The following TENT5D variants were observed in gnomAD, a reference collection of about 807,000 sequenced individuals.
TENT5D encodes the protein terminal nucleotidyltransferase 5D.
For synonymous variants in TENT5D, 103 were observed against 100.6 expected, an observed-to-expected ratio of 1.02 and a Z score of -0.15; for missense variants, 191 against 287.0, an observed-to-expected ratio of 0.67 and a Z score of 2.42.
chrX:80,422,949 T>C (rs753562521), intron 1 of TENT5D, among the ~76,000 whole-genome samples: 1 of 111,898 alleles, frequency 8.9e-6, no homozygotes, highest in African/African-American at 3.2e-5. Flanking sequence ...TTGTACAGCA[T>C]CCAGTGCAGA....
intron 1 of TENT5D, among the ~76,000 whole-genome samples, chrX:80,429,659 TG>T (rs1329232220): frequency 9.0e-6 from 1 of 111,139 alleles, no homozygotes; most frequent in Non-Finnish European, 1.9e-5. Flanking sequence ...GTTCTTTTCT[TG>T]TGCTTCCCCT....
At chrX:80,374,971 G>A (rs1342817315) in intron 3 of TENT5D, among the ~76,000 whole-genome samples, 2 of 111,030 alleles carry the variant, frequency 1.8e-5, no homozygotes, top group Non-Finnish European at 3.8e-5. Flanking sequence ...TTGGATTTTG[G>A]ATGATCAACC....
rs201702381 is a variant in TENT5D, at chrX:80,442,817, G to A, written c.278G>A (p.Gly93Asp). The change falls in exon 3 of 3, where the codon GGT becomes GAT. Residue 93 changes from glycine (G) to aspartate (D), a missense_variant. Transcript: ENST00000308293. Reference sequence around the variant, plus strand: ...GTTATTTTTGGTGTTGAGCTTCCAGGTAACGAAGAATTTCAGGTTGTTAAA... The same window carrying A: ...GTTATTTTTGGTGTTGAGCTTCCAGATAACGAAGAATTTCAGGTTGTTAAA... 2.7e-4 allele frequency: 321 copies of A among 1,209,499 alleles called. No homozygotes were observed. Among genetic ancestry groups the A allele is most frequent in the Non-Finnish European group, 3.3e-4 (293 of 894,877 alleles).
In TENT5D at chrX:80,375,466, A is replaced by G. The variant is rs147262400; in HGVS notation, c.-142+32902A>G. Among the ~76,000 whole-genome samples, 212 of 111,504 alleles carry G rather than the reference A, an allele frequency of 1.9e-3. 1 individual carries two copies. The highest frequency in any genetic ancestry group is 9.3e-3 in the Middle Eastern group (2 of 215). On this transcript the variant is annotated intron_variant, in intron 3 of 4. Transcript: ENST00000538312. ...GTGCTCAATAAGCATGTGGTTTGCA[A>G]TATTGAAGACATGATAACTTTATAA...
chrX:80,428,337 A>G (rs1602221556), intron 1 of TENT5D, among the ~76,000 whole-genome samples: 1 of 112,085 alleles, frequency 8.9e-6, no homozygotes. Context: ...GTTATTCCCC[A>G]TGGTTAACCT....
At chrX:80,427,739 G>A (rs749081795) in intron 1 of TENT5D, among the ~76,000 whole-genome samples, 26 of 111,964 alleles carry the variant, frequency 2.3e-4, no homozygotes, top group Non-Finnish European at 3.9e-4. Context: ...CCTGGAAGGC[G>A]AAAATAGATT....
At chrX:80,402,036 T>C (rs1377438623) in intron 3 of TENT5D, among the ~76,000 whole-genome samples, 1 of 111,881 alleles carries the variant, frequency 8.9e-6, no homozygotes, top group Admixed American at 9.5e-5. Flanking sequence ...TGGGCTTTTC[T>C]TTGATGGGAG....
At chrX:80,416,372 T>C (rs898521724), upstream of TENT5D, among the ~76,000 whole-genome samples, 2 of 107,954 alleles carry the variant, frequency 1.9e-5, no homozygotes, top group South Asian at 3.9e-4. Context: ...TTTTCCTCTT[T>C]ACGTTATGTT....
chrX:80,355,915 GGT>G (rs1305749727), intron 3 of TENT5D, among the ~76,000 whole-genome samples: 11 of 111,210 alleles, frequency 9.9e-5, no homozygotes, highest in African/African-American at 3.6e-4. Flanking sequence ...CAACTTCTAG[GGT>G]GTCCCGGTAT....
Position 80,443,480 on chromosome X carries a change from T to C in TENT5D, c.941T>C (p.Met314Thr), listed in dbSNP as rs770805267. Reference sequence around the variant, plus strand: ...GTGAATGAAAGCACTGTTTGCCTCATGAGTTATGAAAGAAGACAGATTCTC... The same window carrying C: ...GTGAATGAAAGCACTGTTTGCCTCACGAGTTATGAAAGAAGACAGATTCTC... The change falls in exon 3 of 3, where the codon ATG (methionine) becomes ACG (threonine). Residue 314 changes from methionine to threonine, a missense_variant. Met to Thr is a moderately conservative substitution (Grantham distance 81, BLOSUM62 -1). Transcript: ENST00000308293. 5 of 1,209,400 alleles carry C rather than the reference T, an allele frequency of 4.1e-6. No individual in the cohort carries two copies. The Admixed American group carries it at 6.6e-5, about 16-fold the overall frequency.
At chrX:80,403,048 C>T (rs898228222) in intron 3 of TENT5D, among the ~76,000 whole-genome samples, 2 of 111,850 alleles carry the variant, frequency 1.8e-5, no homozygotes, top group African/African-American at 3.3e-5. Context: ...TTATTTATAA[C>T]GTCCCTATGA....
At chrX:80,398,042 A>G (rs1199256699) in intron 3 of TENT5D, among the ~76,000 whole-genome samples, 1 of 112,122 alleles carries the variant, frequency 8.9e-6, no homozygotes, top group Non-Finnish European at 1.9e-5. Context: ...AACAACATAT[A>G]GGCATTCCCT....
intron 3 of TENT5D, among the ~76,000 whole-genome samples, chrX:80,398,800 C>A (rs1931337109): frequency 9.1e-6 from 1 of 110,110 alleles, no homozygotes; most frequent in Non-Finnish European, 1.9e-5. Context: ...CAGTGCCTTG[C>A]TGTTTGGGTT....
intron 3 of TENT5D, among the ~76,000 whole-genome samples, chrX:80,361,731 A>G (rs1930408339): frequency 8.9e-6 from 1 of 112,275 alleles, no homozygotes; most frequent in Non-Finnish European, 1.9e-5. Flanking sequence ...TGCTTTTAAT[A>G]TTGCAGTGCC....
intron 2 of TENT5D, among the ~76,000 whole-genome samples, chrX:80,440,040 A>G (rs1197372244): frequency 9.0e-6 from 1 of 111,383 alleles, no homozygotes; most frequent in African/African-American, 3.2e-5. Flanking sequence ...GATTTAGACA[A>G]TTGAATAATG....
At chrX:80,364,018 A>C (rs1930459055) in intron 3 of TENT5D, among the ~76,000 whole-genome samples, 1 of 112,410 alleles carries the variant, frequency 8.9e-6, no homozygotes, top group Non-Finnish European at 1.9e-5. Flanking sequence ...AACTATAGTC[A>C]CCATCCTGTA....
rs1032776687 is a variant in TENT5D at position 80,358,550 on chromosome X, G to A, written c.-142+15986G>A. ...TTATAACCAAGAGTTTACCTTTTGC[G>A]TGAAGCTGTCTATGGTTTTGTTTAT... On this transcript the variant is annotated intron_variant, in intron 3 of 4. Coordinates refer to the TENT5D transcript ENST00000538312. Among the ~76,000 whole-genome samples the A allele has an allele frequency of 6.2e-5, 7 of 112,318 alleles. No individual in the cohort carries two copies. In the East Asian group the frequency reaches 1.1e-3, roughly 18 times the overall value.
intron 1 of TENT5D, among the ~76,000 whole-genome samples, chrX:80,430,119 A>G (rs765760306): frequency 9.0e-6 from 1 of 110,880 alleles, no homozygotes; most frequent in Non-Finnish European, 1.9e-5. Context: ...TTTGGCAGCC[A>G]TTAGGATTTG....
At chrX:80,386,351 A>G (rs1483597794) in intron 3 of TENT5D, among the ~76,000 whole-genome samples, 2 of 110,719 alleles carry the variant, frequency 1.8e-5, no homozygotes, top group South Asian at 3.9e-4. Context: ...GTGGGAATCG[A>G]ACAATGAGAA....
Sources: gnomAD v4.1 joint callset for allele counts (sites outside exome capture counted in the v4.1 genomes callset) on GRCh38, gnomAD v4.1.1 for gene constraint, MANE v1.5 for transcripts, NCBI Gene and HGNC (gene_info 2026-07-23, HGNC 2026-07-21) for gene names.